Variants in OXR1 observed in about 807,000 individuals in gnomAD.
The protein encoded by OXR1 is oxidation resistance 1.
A neutral mutation model predicts 104.6 loss-of-function variants in OXR1; 41 were observed. The ratio of observed to expected loss-of-function variants is 0.39; its 90% CI spans 0.31 to 0.51. The LOEUF is 0.51. OXR1 is among the 20% of genes least tolerant of loss of function. OXR1 has a pLI of 0.77. For missense variants in OXR1, 955 were observed against 1,031.9 expected, an observed-to-expected ratio of 0.93 and a Z score of 1.02; for synonymous variants, 348 against 348.4, an observed-to-expected ratio of 1.00 and a Z score of 0.01.
chr8:106,302,454 C>T lies in OXR1; in HGVS notation c.-139+32087C>T, dbSNP rs1813278167. ...AAAGAAATTAAGCCCGGCGTGGTGG[C>T]GGGCACCTGTAGTCCCAGCTACTCG... On this transcript the variant is annotated intron_variant, in intron 1 of 16. Transcript: ENST00000517566. 2.6e-5 allele frequency among the ~76,000 whole-genome samples: 4 copies of T among 151,610 alleles called. No homozygotes were observed. The South Asian group carries it at 6.3e-4, about 24-fold the overall frequency.
chr8:106,396,041 T>G (rs1460064451), intron 2 of OXR1, among the ~76,000 whole-genome samples: 3 of 152,010 alleles, frequency 2.0e-5, no homozygotes, highest in East Asian at 3.9e-4. Flanking sequence ...ACCCAAAGCA[T>G]AAAACAAATG....
intron 2 of OXR1, among the ~76,000 whole-genome samples, chr8:106,413,101 C>T (rs1200224398): frequency 1.3e-5 from 2 of 150,890 alleles, no homozygotes; most frequent in African/African-American, 4.9e-5. Flanking sequence ...CAACATTGCC[C>T]TCATTTAATT....
intron 2 of OXR1, among the ~76,000 whole-genome samples, chr8:106,421,971 G>T (rs996391886): frequency 5.3e-5 from 8 of 152,068 alleles, no homozygotes; most frequent in Non-Finnish European, 7.4e-5. Context: ...AGCCATAGAG[G>T]CTAGAGAAGT....
chr8:106,644,687 C>G (rs542750285), intron 3 of OXR1, among the ~76,000 whole-genome samples: 1 of 152,124 alleles, frequency 6.6e-6, no homozygotes, highest in African/African-American at 2.4e-5. Context: ...GTTCTTTGCA[C>G]ACGTATGTGA....
rs1318399096 is a variant in OXR1, at chr8:106,409,945, G to C, written c.23+50309G>C. 7.9e-5 allele frequency among the ~76,000 whole-genome samples: 12 copies of C among 151,776 alleles called. 1 individual carries two copies. Reference sequence around the variant, plus strand: ...TAAATATCAAAATGAAGACTTTTTTGATTTATTGGGATTCATTTTTGAAAA... The same window carrying C: ...TAAATATCAAAATGAAGACTTTTTTCATTTATTGGGATTCATTTTTGAAAA... On this transcript the variant is annotated intron_variant, in intron 2 of 16. Transcript: ENST00000517566.
At chr8:106,463,483 T>A (rs955288501) in intron 2 of OXR1, among the ~76,000 whole-genome samples, 5 of 152,098 alleles carry the variant, frequency 3.3e-5, no homozygotes, top group Admixed American at 6.6e-5. Flanking sequence ...ATACTTCATG[T>A]CTGTTTATGT....
Position 106,465,218 on chromosome 8 carries a change from G to A in OXR1, c.24-53725G>A, listed in dbSNP as rs534177415. Among the ~76,000 whole-genome samples, 7 of 152,040 alleles carry A rather than the reference G, an allele frequency of 4.6e-5. No homozygotes were observed. The South Asian group carries it at 1.5e-3, about 32-fold the overall frequency. On this transcript the variant is annotated intron_variant, in intron 2 of 16. Coordinates refer to ENST00000517566, the MANE Select transcript of OXR1 (RefSeq NM_001198533.2). ...TTAGCTGTGGATGTCTGCGAGATGA[G>A]CATTCCCAGTGGAAGGAAAGTAGGT...
chr8:106,309,190 T>C (rs1813594521), intron 1 of OXR1, among the ~76,000 whole-genome samples: 1 of 152,046 alleles, frequency 6.6e-6, no homozygotes, highest in South Asian at 2.1e-4. Context: ...CTATGTTGCC[T>C]AAGCTGGCCT....
At chr8:106,595,875 G>A (rs891513313) in intron 3 of OXR1, among the ~76,000 whole-genome samples, 1 of 152,144 alleles carries the variant, frequency 6.6e-6, no homozygotes, top group African/African-American at 2.4e-5. Flanking sequence ...AGCATGTCTA[G>A]CTACAGGTGC....
chr8:106,317,921 C>T (rs566179369), intron 1 of OXR1, among the ~76,000 whole-genome samples: 1 of 151,978 alleles, frequency 6.6e-6, no homozygotes, highest in South Asian at 2.1e-4. Context: ...TCCTTCTGCT[C>T]ATGAAAAAGG....
intron 2 of OXR1, among the ~76,000 whole-genome samples, chr8:106,498,499 T>C (rs1402605095): frequency 6.6e-6 from 1 of 152,236 alleles, no homozygotes; most frequent in Non-Finnish European, 1.5e-5. Context: ...CAAAAAGCTT[T>C]ATACGAAATC....
At chr8:106,694,969 T>TAAA (rs1829848570) in intron 7 of OXR1, among the ~76,000 whole-genome samples, 2 of 142,866 alleles carry the variant, frequency 1.4e-5, no homozygotes, top group East Asian at 2.0e-4. Flanking sequence ...TATTTACATG[T>TAAA]ATATTATAAT....
chr8:106,408,088 T>C (rs1818309563), intron 2 of OXR1, among the ~76,000 whole-genome samples: 1 of 152,168 alleles, frequency 6.6e-6, no homozygotes, highest in African/African-American at 2.4e-5. Flanking sequence ...CTGCTGAACA[T>C]CCTGCAATGC....
chr8:106,638,198 TTTC>T (rs1180458546), intron 3 of OXR1, among the ~76,000 whole-genome samples: 1 of 152,166 alleles, frequency 6.6e-6, no homozygotes, highest in Non-Finnish European at 1.5e-5. Flanking sequence ...TTTCTAACAT[TTTC>T]TTTTATGAAT....
intron 3 of OXR1, among the ~76,000 whole-genome samples, chr8:106,610,116 T>A (rs1438130749): frequency 2.6e-5 from 4 of 152,010 alleles, no homozygotes; most frequent in South Asian, 4.2e-4. Context: ...TTTTTTTTTT[T>A]TATAATTTAC....
intron 3 of OXR1, among the ~76,000 whole-genome samples, chr8:106,573,123 T>C (rs1817590615): frequency 6.6e-6 from 1 of 152,154 alleles, no homozygotes; most frequent in African/African-American, 2.4e-5. Flanking sequence ...GGTTCCCTTT[T>C]ACTAAATCTT....
intron 3 of OXR1, among the ~76,000 whole-genome samples, chr8:106,635,451 G>A (rs1178265191): frequency 1.3e-5 from 2 of 151,966 alleles, no homozygotes; most frequent in African/African-American, 4.8e-5. Flanking sequence ...ATTTGTTTTT[G>A]TTTTTGTTTT....
chr8:106,422,394 A>G (rs920382845), intron 2 of OXR1, among the ~76,000 whole-genome samples: 6 of 152,180 alleles, frequency 3.9e-5, no homozygotes, highest in African/African-American at 1.4e-4. Flanking sequence ...TTAATTCTGA[A>G]TGATAACTTT....
At chr8:106,318,355 A>C (rs1393700898) in intron 1 of OXR1, among the ~76,000 whole-genome samples, 1 of 138,338 alleles carries the variant, frequency 7.2e-6, no homozygotes, top group Non-Finnish European at 1.7e-5. Context: ...CTTTAACCTA[A>C]AGGCAAAGTC....
Sources: gnomAD v4.1 joint callset for allele counts (sites outside exome capture counted in the v4.1 genomes callset) on GRCh38, gnomAD v4.1.1 for gene constraint, MANE v1.5 for transcripts, NCBI Gene and HGNC (gene_info 2026-07-23, HGNC 2026-07-21) for gene names.